Variants in ATRNL1 observed in about 807,000 individuals in gnomAD.
ATRNL1 encodes the protein attractin like 1.
A neutral mutation model predicts 182.7 loss-of-function variants in ATRNL1; 95 were observed. The ratio of observed to expected loss-of-function variants is 0.52; its 90% confidence interval spans 0.44 to 0.62. The LOEUF (loss-of-function observed/expected upper bound fraction) is 0.62, where lower values mean the gene tolerates loss of function less well. Among genes scored for constraint, ATRNL1 ranks in the 20% least tolerant of loss-of-function variants. The pLI is 0.00. For missense variants in ATRNL1, 1,471 were observed against 1,679.5 expected, an observed-to-expected ratio of 0.88 and a Z score of 2.17; for synonymous variants, 576 against 568.3, an observed-to-expected ratio of 1.01 and a Z score of -0.19.
chr10:115,346,786 G>A (rs1208694565), intron 19 of ATRNL1, among the ~76,000 whole-genome samples: 3 of 151,982 alleles, frequency 2.0e-5, no homozygotes, highest in Admixed American at 6.6e-5. Flanking sequence ...TATGAGGCTC[G>A]CATGAGATAT....
At chr10:115,899,444 G>A (rs939893037) in intron 28 of ATRNL1, among the ~76,000 whole-genome samples, 4 of 152,076 alleles carry the variant, frequency 2.6e-5, no homozygotes, top group African/African-American at 9.7e-5. Context: ...GAGCAGCTGG[G>A]ATTACAGGCA....
intron 27 of ATRNL1, among the ~76,000 whole-genome samples, chr10:115,826,634 C>T (rs1349442155): frequency 1.3e-5 from 2 of 151,982 alleles, no homozygotes; most frequent in Non-Finnish European, 1.5e-5. Context: ...TCACGGACAC[C>T]GGAGAGCGAG....
intron 26 of ATRNL1, among the ~76,000 whole-genome samples, chr10:115,673,153 A>C (rs1022151470): frequency 2.0e-5 from 3 of 152,130 alleles, no homozygotes; most frequent in African/African-American, 7.2e-5. Flanking sequence ...GATGCCCAGC[A>C]GGTGTTTGAG....
chr10:115,625,509 A>G (rs1335569641), intron 26 of ATRNL1, among the ~76,000 whole-genome samples: 1 of 152,182 alleles, frequency 6.6e-6, no homozygotes, highest in Non-Finnish European at 1.5e-5. Context: ...ACACATGTGT[A>G]TTGAAAATAT....
chr10:115,249,807 T>G (rs1554905003), intron 10 of ATRNL1, among the ~76,000 whole-genome samples: 1 of 152,186 alleles, frequency 6.6e-6, no homozygotes. Context: ...TTAATTTGTT[T>G]GGCCTTGAAC....
intron 9 of ATRNL1, among the ~76,000 whole-genome samples, chr10:115,235,428 C>G (rs1408307443): frequency 2.0e-5 from 3 of 152,076 alleles, no homozygotes; most frequent in Non-Finnish European, 4.4e-5. Context: ...TTTAATTTCT[C>G]TCTCTCTATG....
chr10:115,909,241 C>G (rs555487528), intron 28 of ATRNL1: 1 of 152,174 alleles, frequency 6.6e-6, no homozygotes, highest in Non-Finnish European at 1.5e-5. Flanking sequence ...CTCAGACCTG[C>G]CACTTAGCAG....
chr10:115,517,521 T>G (rs1251123729), intron 24 of ATRNL1, among the ~76,000 whole-genome samples: 1 of 151,890 alleles, frequency 6.6e-6, no homozygotes, highest in Non-Finnish European at 1.5e-5. Flanking sequence ...GCAATTGCAC[T>G]GTATCTTATT....
intron 15 of ATRNL1, among the ~76,000 whole-genome samples, chr10:115,297,387 A>G (rs1299949099): frequency 6.6e-6 from 1 of 151,976 alleles, no homozygotes; most frequent in Non-Finnish European, 1.5e-5. Context: ...GACGCCTGTA[A>G]TCCCAGCACT....
chr10:115,607,581 T>C (rs1283882802), intron 26 of ATRNL1, among the ~76,000 whole-genome samples: 1 of 151,790 alleles, frequency 6.6e-6, no homozygotes, highest in African/African-American at 2.4e-5. Flanking sequence ...GTTGAGGAAA[T>C]TGAGCTCATT....
At chr10:115,800,009 T>G (rs1450725161) in intron 27 of ATRNL1, among the ~76,000 whole-genome samples, 1 of 151,968 alleles carries the variant, frequency 6.6e-6, no homozygotes, top group African/African-American at 2.4e-5. Flanking sequence ...TCACCCGAGG[T>G]CAGGAGTTCA....
chr10:115,507,196 A>G (rs1554981527), intron 24 of ATRNL1, among the ~76,000 whole-genome samples: 1 of 152,038 alleles, frequency 6.6e-6, no homozygotes, highest in East Asian at 1.9e-4. Context: ...AAAGGAGGAA[A>G]TCAGATATGC....
At chr10:115,685,256 C>G (rs543730613) in intron 26 of ATRNL1, among the ~76,000 whole-genome samples, 1 of 151,566 alleles carries the variant, frequency 6.6e-6, no homozygotes, top group Non-Finnish European at 1.5e-5. Context: ...AGTTAGAACT[C>G]CTCTGTCAAT....
chr10:115,700,481 C>A (rs1335462991), intron 26 of ATRNL1, among the ~76,000 whole-genome samples: 1 of 151,944 alleles, frequency 6.6e-6, no homozygotes, highest in African/African-American at 2.4e-5. Flanking sequence ...GTATTTTAGC[C>A]ACTTATATGT....
intron 21 of ATRNL1, among the ~76,000 whole-genome samples, chr10:115,451,174 A>G (rs1310984562): frequency 6.6e-6 from 1 of 152,200 alleles, no homozygotes; most frequent in African/African-American, 2.4e-5. Flanking sequence ...ATCCTGGAAG[A>G]CAAACTAGGC....
At chr10:115,214,280 G>C (rs1437769299) in intron 8 of ATRNL1, among the ~76,000 whole-genome samples, 1 of 147,882 alleles carries the variant, frequency 6.8e-6, no homozygotes, top group Non-Finnish European at 1.5e-5. Context: ...AAAAGGAAAT[G>C]AATAAAACTA....
intron 28 of ATRNL1, among the ~76,000 whole-genome samples, chr10:115,937,363 T>G (rs931989300): frequency 3.9e-5 from 6 of 152,236 alleles, no homozygotes; most frequent in African/African-American, 1.4e-4. Flanking sequence ...AGGGGAAATA[T>G]CTCTTCAAAT....
chr10:115,617,394 T>A (rs1857495103), intron 26 of ATRNL1, among the ~76,000 whole-genome samples: 1 of 151,918 alleles, frequency 6.6e-6, no homozygotes, highest in South Asian at 2.1e-4. Context: ...GGAGTCTTGC[T>A]CTGTCGCCAG....
At chr10:115,225,353 C>G (rs187479717) in intron 9 of ATRNL1, among the ~76,000 whole-genome samples, 1 of 151,538 alleles carries the variant, frequency 6.6e-6, no homozygotes, top group Admixed American at 6.6e-5. Context: ...AACTTTACTG[C>G]AAGCATTATG....
Sources: gnomAD v4.1 joint callset for allele counts (sites outside exome capture counted in the v4.1 genomes callset) on GRCh38, gnomAD v4.1.1 for gene constraint, MANE v1.5 for transcripts, NCBI Gene and HGNC (gene_info 2026-07-23, HGNC 2026-07-21) for gene names.